The following SPAG16 variants were observed in gnomAD, a reference collection of about 807,000 sequenced individuals.
The protein encoded by SPAG16 is sperm-associated antigen 16 protein.
Under a neutral mutation model 80.4 loss-of-function variants are expected in SPAG16, and 86 were observed. That is an observed-to-expected ratio of 1.07 (90% CI 0.90 to 1.28). The LOEUF (loss-of-function observed/expected upper bound fraction) is 1.28. Ranked by LOEUF, SPAG16 falls within the 50% of genes most tolerant of loss-of-function variation. The probability of loss-of-function intolerance (pLI) is 0.00; values close to 1 mark genes in which losing one functional copy is unlikely to be tolerated. For synonymous variants in SPAG16, 294 were observed against 265.9 expected (o/e 1.11, Z -1.03); for missense variants, 870 against 765.3 (o/e 1.14, Z -1.61).
At chr2:213,289,311 A>G (rs1425197197) in intron 1 of SPAG16, among the ~76,000 whole-genome samples, 1 of 152,222 alleles carries the variant, frequency 6.6e-6, no homozygotes, top group African/African-American at 2.4e-5. Context: ...GACTTATACC[A>G]CCAGCTGCCA....
intron 15 of SPAG16, among the ~76,000 whole-genome samples, chr2:214,270,242 A>G (rs1341143514): frequency 6.6e-6 from 1 of 152,210 alleles, no homozygotes; most frequent in Admixed American, 6.5e-5. Context: ...CATTGGCTGC[A>G]TCTTAACCAT....
At chr2:213,661,686 A>G (rs2063431993) in intron 10 of SPAG16, among the ~76,000 whole-genome samples, 1 of 152,152 alleles carries the variant, frequency 6.6e-6, no homozygotes. Flanking sequence ...TTCATCACTC[A>G]TTTTGTCTTT....
chr2:213,479,118 T>G (rs1180013379), intron 9 of SPAG16, among the ~76,000 whole-genome samples: 3 of 116,794 alleles, frequency 2.6e-5, no homozygotes, highest in Admixed American at 9.1e-5. Flanking sequence ...TTTTTTTTTT[T>G]GTAAAATGCC....
At chr2:213,556,340 A>G (rs1234225244) in intron 10 of SPAG16, among the ~76,000 whole-genome samples, 1 of 150,100 alleles carries the variant, frequency 6.7e-6, no homozygotes, top group Non-Finnish European at 1.5e-5. Flanking sequence ...AGATCTAACT[A>G]TATGCTGCCT....
chr2:213,636,399 G>A (rs2062363367), intron 10 of SPAG16, among the ~76,000 whole-genome samples: 1 of 152,016 alleles, frequency 6.6e-6, no homozygotes, highest in Non-Finnish European at 1.5e-5. Flanking sequence ...CCCCAGATTT[G>A]TGCTTTTTGA....
chr2:214,154,490 A>C (rs1471869318), intron 15 of SPAG16, among the ~76,000 whole-genome samples: 1 of 127,624 alleles, frequency 7.8e-6, no homozygotes, highest in Non-Finnish European at 1.7e-5. Flanking sequence ...AAATGCAAAA[A>C]GTATCAGACC....
intron 9 of SPAG16, among the ~76,000 whole-genome samples, chr2:213,417,496 T>A (rs905341029): frequency 2.6e-5 from 4 of 152,254 alleles, no homozygotes; most frequent in Non-Finnish European, 4.4e-5. Context: ...CACATGGATT[T>A]ATGTAAATAT....
intron 9 of SPAG16, among the ~76,000 whole-genome samples, chr2:213,481,266 G>A (rs2073734994): frequency 6.6e-6 from 1 of 152,192 alleles, no homozygotes; most frequent in Non-Finnish European, 1.5e-5. Context: ...TGCTAGGTAA[G>A]AGGAATTAAT....
chr2:213,540,128 G>A (rs1390288226), intron 10 of SPAG16, among the ~76,000 whole-genome samples: 1 of 146,476 alleles, frequency 6.8e-6, no homozygotes, highest in African/African-American at 2.5e-5. Context: ...TCTGCCTCCC[G>A]GGTTCACGCC....
chr2:214,351,778 T>G (rs1049843704), intron 15 of SPAG16, among the ~76,000 whole-genome samples: 2 of 152,048 alleles, frequency 1.3e-5, no homozygotes, highest in Non-Finnish European at 2.9e-5. Flanking sequence ...GTATCAATTT[T>G]TTTTTTAGTT....
intron 11 of SPAG16, among the ~76,000 whole-genome samples, chr2:213,878,741 A>G (rs1198781059): frequency 6.6e-6 from 1 of 152,052 alleles, no homozygotes; most frequent in Non-Finnish European, 1.5e-5. Flanking sequence ...ACCACCATCC[A>G]GAAGAGTTTT....
At chr2:214,254,371 A>G (rs1414467897) in intron 15 of SPAG16, among the ~76,000 whole-genome samples, 1 of 152,084 alleles carries the variant, frequency 6.6e-6, no homozygotes, top group Non-Finnish European at 1.5e-5. Flanking sequence ...GCTGGTTTTC[A>G]AAGGGAATGC....
chr2:213,843,352 T>C (rs1160597772), intron 10 of SPAG16, among the ~76,000 whole-genome samples: 2 of 152,192 alleles, frequency 1.3e-5, no homozygotes, highest in African/African-American at 4.8e-5. Flanking sequence ...CAGTGACTAA[T>C]CTATGCACTT....
intron 12 of SPAG16, among the ~76,000 whole-genome samples, chr2:213,967,216 A>G (rs999435107): frequency 3.3e-5 from 5 of 152,184 alleles, no homozygotes; most frequent in Admixed American, 2.0e-4. Context: ...TCCTACCACT[A>G]TTTCACCTTA....
chr2:213,688,754 T>C (rs2064805628), intron 10 of SPAG16, among the ~76,000 whole-genome samples: 1 of 152,172 alleles, frequency 6.6e-6, no homozygotes, highest in Non-Finnish European at 1.5e-5. Flanking sequence ...TTTTTCAGTT[T>C]GTATTGTTTT....
chr2:214,066,406 A>G (rs1160210642), intron 13 of SPAG16, among the ~76,000 whole-genome samples: 7 of 152,190 alleles, frequency 4.6e-5, no homozygotes, highest in Non-Finnish European at 8.8e-5. Context: ...CATCTGTTTC[A>G]TGATGTTTTT....
At chr2:213,855,651 G>T (rs1322542625) in intron 10 of SPAG16, among the ~76,000 whole-genome samples, 1 of 152,186 alleles carries the variant, frequency 6.6e-6, no homozygotes, top group African/African-American at 2.4e-5. Flanking sequence ...GAGACCGCAG[G>T]AAATTCACAA....
intron 15 of SPAG16, among the ~76,000 whole-genome samples, chr2:214,201,960 C>G (rs1431453466): frequency 6.6e-6 from 1 of 152,150 alleles, no homozygotes; most frequent in Non-Finnish European, 1.5e-5. Flanking sequence ...ATCCTCCCAC[C>G]TCAGCCTCCA....
intron 9 of SPAG16, among the ~76,000 whole-genome samples, chr2:213,438,262 A>G (rs2070749769): frequency 6.6e-6 from 1 of 152,192 alleles, no homozygotes; most frequent in Non-Finnish European, 1.5e-5. Context: ...AGTCTAGTAA[A>G]AACTTTGATT....
Sources: allele counts gnomAD v4.1 joint callset (sites outside exome capture counted in the v4.1 genomes callset), GRCh38; gene constraint gnomAD v4.1.1; transcripts MANE v1.5; gene names NCBI Gene and HGNC (gene_info 2026-07-23, HGNC 2026-07-21).